The following STAG1 variants were observed in gnomAD, a reference collection of about 807,000 sequenced individuals.
The protein encoded by STAG1 is cohesin subunit SA-1.
STAG1 carries 26 observed loss-of-function variants against 170.9 expected under a neutral mutation model. The observed-to-expected ratio is 0.15, with a 90% confidence interval of 0.11 to 0.21. STAG1 has a LOEUF of 0.21. Ranked by LOEUF, STAG1 falls within the 10% of genes least tolerant of loss-of-function variation. The pLI, the probability that STAG1 is intolerant of heterozygous loss-of-function variation, is 1.00. For synonymous variants in STAG1, 514 were observed against 497.7 expected (o/e 1.03, Z -0.44); for missense variants, 964 against 1,509.5 (o/e 0.64, Z 5.99).
chr3:136,487,612 A>G (rs891849702), intron 9 of STAG1, among the ~76,000 whole-genome samples: 6 of 152,208 alleles, frequency 3.9e-5, no homozygotes, highest in Admixed American at 1.3e-4. Flanking sequence ...TAGTGCTCCA[A>G]TCCACTTTGA....
intron 22 of STAG1, among the ~76,000 whole-genome samples, chr3:136,386,537 A>G (rs1387041485): frequency 4.6e-5 from 7 of 152,294 alleles, no homozygotes; most frequent in African/African-American, 1.4e-4. Context: ...CTGACCCATA[A>G]CAGCAAACTG....
At chr3:136,499,462 G>A (rs151213260) in intron 9 of STAG1, among the ~76,000 whole-genome samples, 70 of 152,186 alleles carry the variant, frequency 4.6e-4, no homozygotes, top group African/African-American at 1.6e-3. Flanking sequence ...ACATCCCACC[G>A]CTCTATATTA....
At chr3:136,619,185 AT>A (rs1252862368) in intron 3 of STAG1, among the ~76,000 whole-genome samples, 2 of 151,774 alleles carry the variant, frequency 1.3e-5, no homozygotes, top group African/African-American at 4.8e-5. Flanking sequence ...TTATTTCAAA[AT>A]GAAAAATTTT....
chr3:136,372,548 T>C lies in STAG1; in HGVS notation c.2371-3266A>G, dbSNP rs532740391. Reference sequence around the variant, plus strand: ...ATCAATACCTAATTTATTGAGAGTTTTTAGTATGAAGGTTGTTGAATTTTG... The same window carrying C: ...ATCAATACCTAATTTATTGAGAGTTCTTAGTATGAAGGTTGTTGAATTTTG... On this transcript the variant is annotated intron_variant, in intron 23 of 33. Transcript: ENST00000383202. 4.7e-3 allele frequency among the ~76,000 whole-genome samples: 711 copies of C among 152,306 alleles called. 3 individuals are homozygous for C. The highest frequency in any genetic ancestry group is 5.9e-3 in the Non-Finnish European group (401 of 68,016).
At chr3:136,356,498 A>G (rs1936659841) in intron 28 of STAG1, among the ~76,000 whole-genome samples, 1 of 152,048 alleles carries the variant, frequency 6.6e-6, no homozygotes, top group Non-Finnish European at 1.5e-5. Context: ...CTCCGACCTC[A>G]GCCTCCCAAG....
At chr3:136,722,756 G>A (rs1470490129) in intron 1 of STAG1, among the ~76,000 whole-genome samples, 1 of 151,286 alleles carries the variant, frequency 6.6e-6, no homozygotes, top group African/African-American at 2.4e-5. Flanking sequence ...AAGCTGGACT[G>A]TACTGCTGCC....
At chr3:136,601,295 AT>A (rs1342032785) in intron 4 of STAG1, among the ~76,000 whole-genome samples, 1 of 152,234 alleles carries the variant, frequency 6.6e-6, no homozygotes, top group Non-Finnish European at 1.5e-5. Flanking sequence ...ATAGAAAAAA[AT>A]GTGCCCAAAA....
chr3:136,736,498 C>T (rs746507632), intron 1 of STAG1: 44 of 1,383,394 alleles, frequency 3.2e-5, no homozygotes, highest in Non-Finnish European at 4.3e-5. Context: ...GGTGGTCATT[C>T]ACGCTGCTCC....
chr3:136,546,119 T>G (rs549613613), intron 5 of STAG1, among the ~76,000 whole-genome samples: 1 of 152,184 alleles, frequency 6.6e-6, no homozygotes, highest in South Asian at 2.1e-4. Context: ...AGCACTATCC[T>G]AGCTAGAGCT....
At chr3:136,408,548 G>T (rs1448453315) in intron 21 of STAG1, among the ~76,000 whole-genome samples, 1 of 152,044 alleles carries the variant, frequency 6.6e-6, no homozygotes, top group Middle Eastern at 3.4e-3. Flanking sequence ...AACCCATAAG[G>T]GATTAAACTA....
chr3:136,492,317 T>C (rs2090139138), intron 9 of STAG1, among the ~76,000 whole-genome samples: 1 of 152,136 alleles, frequency 6.6e-6, no homozygotes, highest in Non-Finnish European at 1.5e-5. Context: ...AAAATGTAAA[T>C]CAACATTGTA....
chr3:136,696,770 G>A (rs1322132819), intron 1 of STAG1, among the ~76,000 whole-genome samples: 1 of 152,066 alleles, frequency 6.6e-6, no homozygotes, highest in Non-Finnish European at 1.5e-5. Context: ...AAGAAGCCAG[G>A]CTAAAAAGGT....
chr3:136,524,763 A>G (rs1483198177), intron 6 of STAG1, among the ~76,000 whole-genome samples: 1 of 152,210 alleles, frequency 6.6e-6, no homozygotes, highest in African/African-American at 2.4e-5. Context: ...ATTTTGAGAT[A>G]CGTCCCATCA....
chr3:136,654,562 C>T (rs184568744), intron 1 of STAG1, among the ~76,000 whole-genome samples: 3 of 152,260 alleles, frequency 2.0e-5, no homozygotes, highest in African/African-American at 4.8e-5. Flanking sequence ...CTACCAAAAG[C>T]AGTCTGCAGA....
At chr3:136,516,642 A>C (rs1407703775) in intron 7 of STAG1, among the ~76,000 whole-genome samples, 1 of 152,238 alleles carries the variant, frequency 6.6e-6, no homozygotes, top group African/African-American at 2.4e-5. Context: ...TTTTATTAAA[A>C]TAGAACAAGC....
intron 1 of STAG1, among the ~76,000 whole-genome samples, chr3:136,718,217 T>C (rs1932978729): frequency 6.6e-6 from 1 of 152,336 alleles, no homozygotes; most frequent in Admixed American, 6.5e-5. Flanking sequence ...AATATATTTA[T>C]CTTTACGATA....
chr3:136,371,981 C>T (rs1377647173), intron 23 of STAG1, among the ~76,000 whole-genome samples: 1 of 152,156 alleles, frequency 6.6e-6, no homozygotes, highest in African/African-American at 2.4e-5. Context: ...ATTCTTCCTA[C>T]CCATGAGCAT....
chr3:136,453,344 C>A (rs930817230), intron 13 of STAG1, among the ~76,000 whole-genome samples: 1 of 152,122 alleles, frequency 6.6e-6, no homozygotes, highest in Non-Finnish European at 1.5e-5. Flanking sequence ...ATAATCCCAG[C>A]TCTTTGGGAG....
intron 9 of STAG1, among the ~76,000 whole-genome samples, chr3:136,488,165 C>G (rs2090053698): frequency 2.0e-5 from 3 of 152,260 alleles, no homozygotes; most frequent in Non-Finnish European, 2.9e-5. Context: ...TTCTGTCACT[C>G]AGGTTGGAGT....
Sources: gnomAD v4.1 joint callset for allele counts (sites outside exome capture counted in the v4.1 genomes callset) on GRCh38, gnomAD v4.1.1 for gene constraint, MANE v1.5 for transcripts, NCBI Gene and HGNC (gene_info 2026-07-23, HGNC 2026-07-21) for gene names.